Variants in TRPM1 observed in about 807,000 individuals in gnomAD.
TRPM1 encodes TRPM1-203 APA Isoform, Intron 10.
TRPM1 carries 113 observed loss-of-function variants against 149.4 expected under a neutral mutation model. The ratio of observed to expected loss-of-function variants is 0.76; its 90% confidence interval spans 0.65 to 0.88. TRPM1 has a LOEUF of 0.88. Among genes scored for constraint, TRPM1 ranks in the 40% least tolerant of loss-of-function variants. TRPM1 has a pLI of 0.00. For synonymous variants in TRPM1, 741 were observed against 759.5 expected (o/e 0.98, Z 0.40); for missense variants, 1,976 against 2,038.7 (o/e 0.97, Z 0.59).
intron 25 of TRPM1, 96 bp downstream of exon 25, chr15:31,028,236 G>A: frequency 1.3e-6 from 2 of 1,509,230 alleles, no homozygotes; most frequent in African/African-American, 1.4e-5. Context: ...GAAATTATCT[G>A]CAAATATATT....
At chr15:31,039,126 G>C (rs1036617643) in intron 18 of TRPM1, among the ~76,000 whole-genome samples, 1 of 151,668 alleles carries the variant, frequency 6.6e-6, no homozygotes, top group Non-Finnish European at 1.5e-5. Flanking sequence ...TAGTTGGCCT[G>C]GGTAGAAAAT....
intron 16 of TRPM1, among the ~76,000 whole-genome samples, chr15:31,043,608 T>C (rs569821067): frequency 6.6e-6 from 1 of 152,256 alleles, no homozygotes; most frequent in East Asian, 1.9e-4. Flanking sequence ...TTTGTCACAG[T>C]GAAGCTACAG....
In TRPM1 at chr15:31,049,613, C is replaced by T. The variant is rs189031549; in HGVS notation, c.1438-104G>A. 72 of 1,267,890 alleles carry T rather than the reference C, an allele frequency of 5.7e-5. 1 individual carries two copies. In the African/African-American group the frequency reaches 8.0e-4, roughly 14 times the overall value. The allele number at this position is 1,267,890 out of a possible 1,614,324, so 78.5% of individuals were successfully genotyped here. On this transcript the variant is annotated intron_variant, in intron 12 of 27. Transcript: ENST00000256552. ...AAAGGGTATTCCGAACGCCAGATTCCAGAGCACTCCAGCATGGTACTCTTT... is the reference window on the plus strand; with the variant it reads ...AAAGGGTATTCCGAACGCCAGATTCTAGAGCACTCCAGCATGGTACTCTTT...
chr15:31,155,135 C>T (rs1232138239), intron 1 of TRPM1, among the ~76,000 whole-genome samples: 1 of 152,128 alleles, frequency 6.6e-6, no homozygotes, highest in East Asian at 1.9e-4. Flanking sequence ...CCAAACACAG[C>T]CTATGTGAGC....
At chr15:31,027,350 G>T (rs1401140198) in intron 25 of TRPM1, among the ~76,000 whole-genome samples, 1 of 152,108 alleles carries the variant, frequency 6.6e-6, no homozygotes, top group African/African-American at 2.4e-5. Context: ...GCTATGTACT[G>T]CTTTCTTGAA....
Position 31,002,799 on chromosome 15 carries a change from C to G in TRPM1, c.3901G>C (p.Gly1301Arg). 1 of 1,614,174 alleles carries G rather than the reference C, an allele frequency of 6.2e-7. No homozygotes were observed. The highest frequency in any genetic ancestry group is 8.5e-7 in the Non-Finnish European group (1 of 1,180,024). Reference sequence around the variant, plus strand: ...GTATCCTCAAATAATAACTCTTCTCCGTTAAAATGATATCGATACAAGCTG... The same window carrying G: ...GTATCCTCAAATAATAACTCTTCTCGGTTAAAATGATATCGATACAAGCTG... ...GYSLYRYHFNGEELLFEDTSL... is the reference protein window; with the variant it reads ...GYSLYRYHFNREELLFEDTSL... Residue 1301 changes from glycine (G) to arginine (R), a missense_variant, in exon 28 of 28, where the codon GGA becomes CGA. Transcript: ENST00000256552.
In TRPM1 at chr15:31,078,036, C is replaced by T. The variant is rs144695896; in HGVS notation, c.4-1052G>A. On this transcript the variant is annotated intron_variant, in intron 2 of 27. Coordinates refer to ENST00000256552, the MANE Select transcript of TRPM1 (RefSeq NM_001252024.2). ...TGCTTGCAGGCATGGGGAAGTAGAA[C>T]GCTTAGCATGTGACAATCCTGAGTC... Among the ~76,000 whole-genome samples the T allele has an allele frequency of 5.8e-4, 89 of 152,138 alleles. No individual in the cohort carries two copies. The East Asian group carries it at 0.015, about 25-fold the overall frequency.
At chr15:31,086,788 C>A (rs1345750006) in intron 1 of TRPM1, among the ~76,000 whole-genome samples, 1 of 152,114 alleles carries the variant, frequency 6.6e-6, no homozygotes, top group Non-Finnish European at 1.5e-5. Context: ...TATCTGACAA[C>A]CTATGCAATG....
At position 31,002,451 on chromosome 15, in the gene TRPM1, C is replaced by T. The variant is rs3784588; in HGVS notation, c.4249G>A (p.Val1417Ile). ...DVIHGQDKSD[V>I]QNTQLTVETT... ...TCCACTGTTAGCTGAGTGTTTTGAA[C>T]ATCTGATTTGTCCTGTCCATGTATC... is the stretch of plus-strand genomic sequence containing the variant. The change falls in exon 28 of 28, where the codon GTT becomes ATT. Residue 1417 changes from valine to isoleucine, a missense_variant. By Grantham distance (29) the Val-to-Ile change is conservative. Around this residue, in one of 3 missense-constraint regions of TRPM1, gnomAD observed 572 missense variants for 578.9 expected, o/e 0.99. Transcript: ENST00000256552. The T allele has an allele frequency of 0.065, 105,138 of 1,614,154 alleles. 4,382 individuals carry two copies. Among genetic ancestry groups the T allele is most frequent in the Admixed American group, 0.16 (9,548 of 60,014 alleles).
At chr15:31,043,841 A>G (rs1481633135) in intron 16 of TRPM1, among the ~76,000 whole-genome samples, 1 of 152,220 alleles carries the variant, frequency 6.6e-6, no homozygotes, top group Non-Finnish European at 1.5e-5. Context: ...ACTGCCAGAG[A>G]GAGAATATGA....
chr15:31,026,804 T>G (rs2032782481), intron 26 of TRPM1, 111 bp downstream of exon 26: 1 of 1,111,264 alleles, frequency 9.0e-7, no homozygotes, highest in East Asian at 2.4e-5. Context: ...TTGGACTGAG[T>G]GTGGTGCTTT....
At chr15:31,053,417 ATT>A (rs376760976) in intron 11 of TRPM1, among the ~76,000 whole-genome samples, 3 of 140,360 alleles carry the variant, frequency 2.1e-5, no homozygotes, top group African/African-American at 5.3e-5. Flanking sequence ...CTCCCGGCTC[ATT>A]TTTTTTTTTT....
intron 20 of TRPM1, 122 bp from the exon 21 acceptor site, chr15:31,035,796 C>T: frequency 7.7e-6 from 11 of 1,428,756 alleles, no homozygotes; most frequent in Non-Finnish European, 9.7e-6. Flanking sequence ...TGGACTGACT[C>T]ATTGAGAGGA....
intron 1 of TRPM1, among the ~76,000 whole-genome samples, chr15:31,089,407 G>A (rs955991289): frequency 1.3e-5 from 2 of 152,218 alleles, no homozygotes; most frequent in African/African-American, 4.8e-5. Flanking sequence ...TCCCTACAGA[G>A]TCCAGTAGGA....
chr15:31,053,220 A>G (rs1311930901), intron 11 of TRPM1, among the ~76,000 whole-genome samples: 2 of 152,194 alleles, frequency 1.3e-5, no homozygotes, highest in African/African-American at 2.4e-5. Context: ...CTGAGATATT[A>G]TCTCACACCC....
At chr15:31,069,864 G>A (rs750986874) in intron 4 of TRPM1, 167 bp downstream of exon 4, 20 of 1,579,660 alleles carry the variant, frequency 1.3e-5, no homozygotes, top group Non-Finnish European at 1.7e-5. Flanking sequence ...AAGCCTCATG[G>A]CTAAAAGCCA....
intron 1 of TRPM1, among the ~76,000 whole-genome samples, chr15:31,085,968 A>G (rs2034990286): frequency 1.3e-5 from 2 of 152,318 alleles, no homozygotes; most frequent in African/African-American, 4.8e-5. Context: ...ATGTCCTGGA[A>G]GGAAGACCTG....
At chr15:31,010,684 A>G (rs560976737) in intron 27 of TRPM1, among the ~76,000 whole-genome samples, 296 of 152,286 alleles carry the variant, frequency 1.9e-3, no homozygotes, top group Non-Finnish European at 3.3e-3. Flanking sequence ...GACTTGTTTT[A>G]TGGCCTAACA....
At chr15:31,094,736 G>A (rs2035331470) in intron 1 of TRPM1, among the ~76,000 whole-genome samples, 1 of 152,184 alleles carries the variant, frequency 6.6e-6, no homozygotes, top group Non-Finnish European at 1.5e-5. Context: ...ACCAGTGTTT[G>A]CAAGGATGTG....
Sources: gnomAD v4.1 joint callset for allele counts (sites outside exome capture counted in the v4.1 genomes callset) on GRCh38, gnomAD v4.1.1 for gene constraint, gnomAD v4.1.1 regional missense constraint, MANE v1.5 for transcripts, NCBI Gene and HGNC (gene_info 2026-07-23, HGNC 2026-07-21) for gene names.